Variants in CSF1R observed in about 807,000 individuals in gnomAD.
CSF1R encodes the protein macrophage colony-stimulating factor 1 receptor.
CSF1R carries 40 observed loss-of-function variants against 110.0 expected under a neutral mutation model. The observed-to-expected ratio is 0.36, with a 90% CI of 0.28 to 0.47. CSF1R has a LOEUF of 0.47. Ranked by LOEUF, CSF1R falls within the 20% of genes least tolerant of loss-of-function variation. The pLI, the probability that CSF1R is intolerant of heterozygous loss-of-function variation, is 0.99. For missense variants in CSF1R, 1,052 were observed against 1,253.0 expected (o/e 0.84, Z 2.42); for synonymous variants, 523 against 503.4 (o/e 1.04, Z -0.52).
chr5:150,084,106 G>T (rs1306206634), intron 1 of CSF1R, among the ~76,000 whole-genome samples: 1 of 152,028 alleles, frequency 6.6e-6, no homozygotes, highest in African/African-American at 2.4e-5. Flanking sequence ...GGACGCCAAG[G>T]CAGGGGGATC....
chr5:150,087,096 C>T (rs996507011), upstream of CSF1R, among the ~76,000 whole-genome samples: 6 of 152,170 alleles, frequency 3.9e-5, no homozygotes, highest in African/African-American at 1.4e-4. Context: ...GCTGTGAGAT[C>T]TGACGTTATC....
intron 9 of CSF1R, among the ~76,000 whole-genome samples, chr5:150,069,150 G>A (rs980831920): frequency 1.3e-5 from 2 of 152,198 alleles, no homozygotes; most frequent in Admixed American, 6.5e-5. Context: ...CTGGACCCTG[G>A]TAGCAGTTGC....
intron 1 of CSF1R, among the ~76,000 whole-genome samples, chr5:150,111,991 C>T (rs1263790404): frequency 3.3e-5 from 5 of 152,170 alleles, no homozygotes; most frequent in African/African-American, 1.2e-4. Context: ...TGATCATTAC[C>T]TCTTTACAAA....
chr5:150,096,809 G>A (rs57549947), intron 1 of CSF1R, among the ~76,000 whole-genome samples: 3,592 of 152,210 alleles, frequency 0.024, 153 homozygotes, highest in African/African-American at 0.083. Context: ...CTTCAATATG[G>A]TAAAGGGCAT....
At position 150,053,378 on chromosome 5, in the gene CSF1R, G is replaced by C. The variant is rs540357497; in HGVS notation, c.*691C>G. 2 of 233,994 alleles carry C rather than the reference G, an allele frequency of 8.5e-6. No homozygotes were observed. The highest frequency in any genetic ancestry group is 1.7e-5 in the Non-Finnish European group (2 of 118,364). 14.5% of individuals were successfully genotyped at this position (233,994 alleles called of 1,614,324 possible). On this transcript the variant is annotated 3_prime_UTR_variant, in exon 21 of 21. Coordinates refer to ENST00000675795, the MANE Select transcript of CSF1R (RefSeq NM_001288705.3). ...AGGATGAGTCAGCTTGGGGGAGTTT[G>C]TGCTTCCTGCTTGGTGTGGCCAGCC...
intron 1 of CSF1R, among the ~76,000 whole-genome samples, chr5:150,097,315 G>A (rs895662940): frequency 1.3e-5 from 2 of 149,610 alleles, no homozygotes; most frequent in African/African-American, 4.9e-5. Flanking sequence ...AAGGGAAAGG[G>A]GAAGGGGAAG....
At chr5:150,099,243 TGGTAGTCA>T (rs1336336539) in intron 1 of CSF1R, among the ~76,000 whole-genome samples, 1 of 151,986 alleles carries the variant, frequency 6.6e-6, no homozygotes, top group African/African-American at 2.4e-5. Context: ...ATATATGTAT[TGGTAGTCA>T]GGATGCAAAA....
chr5:150,077,108 G>A (rs757963095), intron 5 of CSF1R, 168 bp downstream of exon 5: 1 of 820,048 alleles, frequency 1.2e-6, no homozygotes, highest in South Asian at 1.5e-5. Context: ...GAGAGGGTAA[G>A]GGAAAGCTCC....
In CSF1R at chr5:150,100,725, T is replaced by A. The variant is rs540434975; in HGVS notation, c.-181+12536A>T. On this transcript the variant is annotated intron_variant, in intron 1 of 21. Transcript: ENST00000286301. ...TTACCATCCAACAAATTCTACTCCC[T>A]GGCAGGCATACGTGCAATAGAAATG... Among the ~76,000 whole-genome samples the A allele has an allele frequency of 2.6e-5, 4 of 152,198 alleles. No homozygotes were observed. In the East Asian group the frequency reaches 7.7e-4, roughly 29 times the overall value.
At position 150,060,868 on chromosome 5, in the gene CSF1R, G is replaced by A. The variant is rs1757479407; in HGVS notation, c.1963C>T (p.His655Tyr). The A allele has an allele frequency of 6.2e-7, 1 of 1,606,414 alleles. No homozygotes were observed. The highest frequency in any genetic ancestry group is 1.3e-5 in the African/African-American group (1 of 74,832). Reference protein sequence around the residue: ...NIVNLLGACTHGGPVLVITEY... With the variant: ...NIVNLLGACTYGGPVLVITEY... ...GGAACCCCAAGGCCCTTACCTCCATGGGTACAGGCTCCCAGAAGGTTGACG... is the reference window on the plus strand; with the variant it reads ...GGAACCCCAAGGCCCTTACCTCCATAGGTACAGGCTCCCAGAAGGTTGACG... Residue 655 changes from histidine to tyrosine, a missense_variant, in exon 13 of 21, where the codon CAT becomes TAT. His to Tyr is a moderately conservative substitution (Grantham distance 83). Transcript: ENST00000675795.
intron 1 of CSF1R, among the ~76,000 whole-genome samples, chr5:150,105,719 T>C (rs1444902171): frequency 6.6e-6 from 1 of 152,100 alleles, no homozygotes; most frequent in African/African-American, 2.4e-5. Context: ...AGACAGGGTC[T>C]CACTGTGTTG....
intron 4 of CSF1R, among the ~76,000 whole-genome samples, chr5:150,077,767 T>C (rs1397702286): frequency 6.6e-6 from 1 of 152,206 alleles, no homozygotes; most frequent in African/African-American, 2.4e-5. Context: ...GCTGTTATAT[T>C]CCTGGGCTTC....
At chr5:150,094,267 G>T in intron 1 of CSF1R, 2 of 1,422,672 alleles carry the variant, frequency 1.4e-6, no homozygotes, top group Non-Finnish European at 1.9e-6. Context: ...ATGCACTTTA[G>T]AACAGAGCTT....
At chr5:150,062,664 C>T (rs994844778) in intron 10 of CSF1R, among the ~76,000 whole-genome samples, 4 of 152,248 alleles carry the variant, frequency 2.6e-5, no homozygotes, top group Non-Finnish European at 5.9e-5. Context: ...TTGTGTCAGG[C>T]ACCGCTGATT....
At chr5:150,088,069 A>G (rs1467528328), upstream of CSF1R, among the ~76,000 whole-genome samples, 2 of 152,128 alleles carry the variant, frequency 1.3e-5, no homozygotes, top group African/African-American at 4.8e-5. Flanking sequence ...AAATCCTGAT[A>G]TAACATTGAT....
chr5:150,093,475 TTC>T (rs970181156), intron 1 of CSF1R, among the ~76,000 whole-genome samples: 1 of 152,236 alleles, frequency 6.6e-6, no homozygotes, highest in Non-Finnish European at 1.5e-5. Context: ...CTAAAAATTT[TTC>T]TCTCTTTTTA....
At chr5:150,091,852 C>CAAAAAAAA (rs57967086) in intron 1 of CSF1R, among the ~76,000 whole-genome samples, 3 of 71,228 alleles carry the variant, frequency 4.2e-5, no homozygotes, top group Non-Finnish European at 2.5e-5. Flanking sequence ...CCCATACTAC[C>CAAAAAAAA]AAAAAAAAAA....
chr5:150,108,184 G>A lies in CSF1R; in HGVS notation c.-181+5077C>T, dbSNP rs13178218. ...GGGAGGCTAAGAATGCTGAACAGAT[G>A]TGAGGGCCCATAAGAGGCACAGACA... On this transcript the variant is annotated intron_variant, in intron 1 of 21. Transcript: ENST00000286301. 1.7e-3 allele frequency among the ~76,000 whole-genome samples: 265 copies of A among 152,366 alleles called. 2 individuals carry two copies. Among genetic ancestry groups the A allele is most frequent in the Non-Finnish European group, 2.2e-3 (150 of 68,040 alleles).
intron 9 of CSF1R, among the ~76,000 whole-genome samples, chr5:150,068,638 C>T (rs1328002223): frequency 6.6e-6 from 1 of 152,196 alleles, no homozygotes; most frequent in Non-Finnish European, 1.5e-5. Flanking sequence ...AGAAACCTCT[C>T]TGCAGCGGCC....
Sources: allele counts gnomAD v4.1 joint callset (sites outside exome capture counted in the v4.1 genomes callset), GRCh38; gene constraint gnomAD v4.1.1; transcripts MANE v1.5; gene names NCBI Gene and HGNC (gene_info 2026-07-23, HGNC 2026-07-21).